Variants in CHRDL1 observed in about 807,000 individuals in gnomAD.
The protein encoded by CHRDL1 is chordin-like protein 1.
Under a neutral mutation model 40.9 loss-of-function variants are expected in CHRDL1, and 19 were observed. That is an observed-to-expected ratio of 0.46 (90% confidence interval 0.32 to 0.68). The LOEUF (loss-of-function observed/expected upper bound fraction) is 0.68, where lower values mean the gene tolerates loss of function less well. Among genes scored for constraint, CHRDL1 ranks in the 30% least tolerant of loss-of-function variants. The probability of loss-of-function intolerance (pLI) is 0.03; values close to 1 mark genes in which losing one functional copy is unlikely to be tolerated. For synonymous variants in CHRDL1, 136 were observed against 123.4 expected, an observed-to-expected ratio of 1.10 and a Z score of -0.68; for missense variants, 329 against 352.1, an observed-to-expected ratio of 0.93 and a Z score of 0.53.
intron 8 of CHRDL1, among the ~76,000 whole-genome samples, chrX:110,692,449 G>T (rs2070299065): frequency 9.0e-6 from 1 of 111,521 alleles, no homozygotes; most frequent in Admixed American, 9.6e-5. Context: ...GGTTTTTGTA[G>T]GACATGGAGA....
chrX:110,790,192 A>G (rs1167435411), intron 2 of CHRDL1, among the ~76,000 whole-genome samples: 1 of 112,000 alleles, frequency 8.9e-6, no homozygotes, highest in East Asian at 2.8e-4. Flanking sequence ...GCATGGACAC[A>G]CATAATGATG....
At chrX:110,737,915 G>A (rs1281624815) in intron 4 of CHRDL1, among the ~76,000 whole-genome samples, 1 of 111,816 alleles carries the variant, frequency 8.9e-6, no homozygotes, top group Non-Finnish European at 1.9e-5. Flanking sequence ...GCAATGTCTG[G>A]AGACATTTTT....
intron 4 of CHRDL1, among the ~76,000 whole-genome samples, chrX:110,725,038 A>C (rs2071029961): frequency 8.9e-6 from 1 of 111,746 alleles, no homozygotes; most frequent in African/African-American, 3.3e-5. Flanking sequence ...TACAATAGGA[A>C]TGACCAGGCT....
Position 110,676,306 on chromosome X carries a change from A to G in CHRDL1, c.1302T>C (p.Ser434=), listed in dbSNP as rs772421067. 24 of 1,206,527 alleles carry G rather than the reference A, an allele frequency of 2.0e-5. No homozygotes were observed. The South Asian group carries it at 4.1e-4, about 20-fold the overall frequency. The change falls in exon 12 of 12, where the codon AGT becomes AGC. Residue 434 remains serine, a synonymous_variant. Coordinates refer to ENST00000372042, the MANE Select transcript of CHRDL1 (RefSeq NM_001143981.2). ...GEAQISQMCS[S]RVCRTELEDL... ...CTTCAAGCTCTGTTCTGCATACACG[A>G]CTTGAACACATCTGGCTGATCTGAG...
chrX:110,733,795 C>T (rs2071211794), intron 4 of CHRDL1, among the ~76,000 whole-genome samples: 1 of 109,477 alleles, frequency 9.1e-6, no homozygotes, highest in African/African-American at 3.3e-5. Context: ...GTAATCCCAG[C>T]TAGTCAGGAG....
chrX:110,730,913 A>T (rs1169347317), intron 4 of CHRDL1, among the ~76,000 whole-genome samples: 1 of 111,518 alleles, frequency 9.0e-6, no homozygotes, highest in Admixed American at 9.5e-5. Flanking sequence ...AAGCCTCTCC[A>T]TTTCCCCCTT....
rs192722256 is a variant in CHRDL1, at chrX:110,707,957, A to C, written c.542-7236T>G. Among the ~76,000 whole-genome samples, 29 of 111,869 alleles carry C rather than the reference A, an allele frequency of 2.6e-4. 1 individual carries two copies. The highest frequency in any genetic ancestry group is 1.7e-3 in the Admixed American group (18 of 10,526). On this transcript the variant is annotated intron_variant, in intron 6 of 11. Transcript: ENST00000372042. ...TTAAACAAATTTACAAGAAAAAAAA[A>C]CCAACCCCATCAAAAAGTGAGCAAA...
chrX:110,792,798 A>G (rs973630067), intron 1 of CHRDL1, among the ~76,000 whole-genome samples: 30 of 112,491 alleles, frequency 2.7e-4, no homozygotes, highest in Non-Finnish European at 4.7e-4. Flanking sequence ...TAAACACCTG[A>G]AAAGTTTTAC....
intron 4 of CHRDL1, among the ~76,000 whole-genome samples, chrX:110,732,265 G>A (rs990497690): frequency 9.0e-6 from 1 of 111,177 alleles, no homozygotes; most frequent in African/African-American, 3.3e-5. Flanking sequence ...AAAGGAGGGG[G>A]TGATGGGGGG....
chrX:110,707,504 T>C (rs957679723), intron 6 of CHRDL1, among the ~76,000 whole-genome samples: 5 of 111,787 alleles, frequency 4.5e-5, no homozygotes, highest in African/African-American at 1.6e-4. Flanking sequence ...TGTAACCATC[T>C]GATCTTTGAC....
chrX:110,761,786 G>A (rs896485303), intron 3 of CHRDL1, among the ~76,000 whole-genome samples: 5 of 112,503 alleles, frequency 4.4e-5, no homozygotes, highest in Non-Finnish European at 1.9e-5. Context: ...GTGCTCCTGG[G>A]TCAAGACCAT....
chrX:110,741,346 T>G (rs2071356922), intron 4 of CHRDL1, among the ~76,000 whole-genome samples: 1 of 111,880 alleles, frequency 8.9e-6, no homozygotes, highest in Non-Finnish European at 1.9e-5. Flanking sequence ...ATATCAGGAT[T>G]AGCAAACCTG....
chrX:110,702,934 A>G (rs1384774951), intron 6 of CHRDL1, among the ~76,000 whole-genome samples: 1 of 112,145 alleles, frequency 8.9e-6, no homozygotes, highest in African/African-American at 3.2e-5. Context: ...TTGTCGAATC[A>G]ATAAATACTA....
intron 2 of CHRDL1, among the ~76,000 whole-genome samples, chrX:110,785,528 T>A (rs979801669): frequency 9.0e-6 from 1 of 111,456 alleles, no homozygotes; most frequent in Non-Finnish European, 1.9e-5. Flanking sequence ...ATGCAGAATA[T>A]CCTTGTAACA....
At chrX:110,784,534 C>CTGAGTAG (rs2089988455) in intron 2 of CHRDL1, among the ~76,000 whole-genome samples, 3 of 109,735 alleles carry the variant, frequency 2.7e-5, no homozygotes, top group Non-Finnish European at 3.8e-5. Flanking sequence ...GCCTCAGCCT[C>CTGAGTAG]CCGAGTAGCT....
In CHRDL1 at chrX:110,771,953, T is replaced by C. The variant is rs1050170565; in HGVS notation, c.95-9146A>G. On this transcript the variant is annotated intron_variant, in intron 2 of 11. Coordinates refer to ENST00000372042, the MANE Select transcript of CHRDL1 (RefSeq NM_001143981.2). ...GTTACTATAGAGAATTTATAAATCATATTTATATATTTTATAATGAACAAT... is the reference window on the plus strand; with the variant it reads ...GTTACTATAGAGAATTTATAAATCACATTTATATATTTTATAATGAACAAT... Among the ~76,000 whole-genome samples the C allele has an allele frequency of 2.7e-5, 3 of 111,910 alleles. No individual in the cohort carries two copies. In the Admixed American group the frequency reaches 2.8e-4, roughly 11 times the overall value.
chrX:110,763,030 T>C (rs750709409), intron 2 of CHRDL1, among the ~76,000 whole-genome samples: 2 of 111,890 alleles, frequency 1.8e-5, no homozygotes, highest in Non-Finnish European at 3.8e-5. Context: ...TCTCATTTTA[T>C]AGATAAGGAA....
At chrX:110,689,638 C>CTA (rs1275734403) in intron 8 of CHRDL1, among the ~76,000 whole-genome samples, 1 of 11,151 alleles carries the variant, frequency 9.0e-5, no homozygotes, top group Non-Finnish European at 1.3e-4. Context: ...ATCTATATAT[C>CTA]TATATATATC....
At chrX:110,677,896 T>C (rs766239959) in intron 11 of CHRDL1, among the ~76,000 whole-genome samples, 3 of 111,723 alleles carry the variant, frequency 2.7e-5, no homozygotes, top group African/African-American at 9.7e-5. Context: ...AGTCGAGTTA[T>C]TAATATCGGA....
Sources: allele counts gnomAD v4.1 joint callset (sites outside exome capture counted in the v4.1 genomes callset), GRCh38; gene constraint gnomAD v4.1.1; transcripts MANE v1.5; gene names NCBI Gene and HGNC (gene_info 2026-07-23, HGNC 2026-07-21).